Variants in ATF3 observed in about 807,000 individuals in gnomAD.
ATF3 encodes activating transcription factor 3.
In ATF3, 10 loss-of-function variants were observed where a neutral mutation model predicts 18.4. The observed-to-expected ratio is 0.54, with a 90% CI of 0.34 to 0.92. The LOEUF (loss-of-function observed/expected upper bound fraction) is 0.92, where lower values mean the gene tolerates loss of function less well. ATF3 is among the 40% of genes least tolerant of loss of function. The pLI is 0.02. For synonymous variants in ATF3, 78 were observed against 87.9 expected (o/e 0.89, Z 0.63); for missense variants, 183 against 222.3 (o/e 0.82, Z 1.12).
At chr1:212,600,210 C>T (rs961762221) in intron 1 of ATF3, among the ~76,000 whole-genome samples, 13 of 152,198 alleles carry the variant, frequency 8.5e-5, no homozygotes, top group Admixed American at 8.5e-4. Context: ...CCATCCAGCC[C>T]ACCCTCAGCC....
At chr1:212,590,985 C>T (rs1414541989) in intron 1 of ATF3, among the ~76,000 whole-genome samples, 2 of 152,214 alleles carry the variant, frequency 1.3e-5, no homozygotes, top group Non-Finnish European at 1.5e-5. Context: ...TTGGTAGCCT[C>T]TCAGTTTGTT....
At chr1:212,615,759 A>G (rs372572909) in intron 2 of ATF3, among the ~76,000 whole-genome samples, 47 of 148,798 alleles carry the variant, frequency 3.2e-4, no homozygotes, top group African/African-American at 1.1e-3. Flanking sequence ...AGCCGTGATC[A>G]CCTCACTGCA....
upstream of ATF3, among the ~76,000 whole-genome samples, chr1:212,607,394 T>C (rs781589295): frequency 6.6e-6 from 1 of 152,222 alleles, no homozygotes; most frequent in Non-Finnish European, 1.5e-5. Flanking sequence ...TGTCTACAAA[T>C]AGTCATCCAC....
intron 1 of ATF3, among the ~76,000 whole-genome samples, chr1:212,593,742 T>C (rs1219687717): frequency 3.5e-5 from 1 of 28,202 alleles, no homozygotes; most frequent in East Asian, 6.5e-4. Flanking sequence ...CCCTGTCTCT[T>C]TAAAAAAAAA....
rs183560666 is a variant in ATF3 at position 212,619,123 on chromosome 1, T to C, written c.349-235T>C. On this transcript the variant is annotated intron_variant, in intron 3 of 3. Transcript: ENST00000341491. This position sits in a 1 kb window ranked among gnomAD's most constrained non-coding sequence, Gnocchi z 4.4. ...GCAAATGAGGTATCTGAACTGCAGC[T>C]TCAGTATTAGCAGAGCCACAGGCCG... 6 of 1,614,072 alleles carry C rather than the reference T, an allele frequency of 3.7e-6. No individual in the cohort carries two copies. The highest frequency in any genetic ancestry group is 3.4e-6 in the Non-Finnish European group (4 of 1,180,032).
rs535804087 is a variant in ATF3, at chr1:212,601,964, G to A, written c.-4-13054G>A. The stretch of plus-strand genomic sequence containing the variant: ...GTAGGTGTATATATTTATTGGGCAT[G>A]TGAGATATTTTGATACAGGCATACA... On this transcript the variant is annotated intron_variant, in intron 1 of 3. Transcript: ENST00000366981. Among the ~76,000 whole-genome samples the A allele has an allele frequency of 2.4e-4, 36 of 152,256 alleles. 1 individual carries two copies. Among genetic ancestry groups the A allele is most frequent in the South Asian group, 6.2e-4 (3 of 4,816 alleles).
At chr1:212,587,196 G>A (rs1664795033) in intron 1 of ATF3, among the ~76,000 whole-genome samples, 1 of 152,216 alleles carries the variant, frequency 6.6e-6, no homozygotes, top group Non-Finnish European at 1.5e-5. Flanking sequence ...GACCGTGTTT[G>A]ATAGAATCCT....
intron 1 of ATF3, among the ~76,000 whole-genome samples, chr1:212,600,817 G>A (rs1225341408): frequency 6.6e-6 from 1 of 152,182 alleles, no homozygotes; most frequent in Non-Finnish European, 1.5e-5. Context: ...TGCAGCTTCT[G>A]ACACGGTATC....
intron 1 of ATF3, among the ~76,000 whole-genome samples, chr1:212,567,482 A>G (rs1664405838): frequency 6.6e-6 from 1 of 152,192 alleles, no homozygotes; most frequent in Non-Finnish European, 1.5e-5. Context: ...GATGTCATGA[A>G]AGGCAGGTGA....
At chr1:212,570,643 T>C (rs1664463984) in intron 1 of ATF3, among the ~76,000 whole-genome samples, 1 of 152,216 alleles carries the variant, frequency 6.6e-6, no homozygotes, top group African/African-American at 2.4e-5. Context: ...TCTACCCATA[T>C]AGGCAACCAC....
At chr1:212,584,641 G>T (rs770075147) in intron 1 of ATF3, among the ~76,000 whole-genome samples, 8 of 152,116 alleles carry the variant, frequency 5.3e-5, no homozygotes, top group Non-Finnish European at 1.0e-4. Context: ...AAATGCTAAG[G>T]TCACCCAAAA....
chr1:212,585,453 A>G (rs1300397453), intron 1 of ATF3, among the ~76,000 whole-genome samples: 2 of 152,076 alleles, frequency 1.3e-5, no homozygotes, highest in African/African-American at 4.8e-5. Flanking sequence ...CTTCTCCTTC[A>G]GGCTTCACCA....
chr1:212,565,593 C>G (rs551969947), intron 1 of ATF3: 2 of 152,180 alleles, frequency 1.3e-5, no homozygotes, highest in African/African-American at 4.8e-5. Context: ...TGTGGCCCTG[C>G]TGGGTGGGTG....
intron 2 of ATF3, 120 bp downstream of exon 2, chr1:212,615,381 TCAGGGAGCTTA>T: frequency 7.9e-7 from 1 of 1,271,628 alleles, no homozygotes; most frequent in South Asian, 1.4e-5. Flanking sequence ...ACCACTGCCC[TCAGGGAGCTTA>T]CCTTCTCCTG....
At position 212,619,164 on chromosome 1, in the gene ATF3, C is replaced by G; in HGVS notation, c.349-194C>G. 1 of 1,613,620 alleles carries G rather than the reference C, an allele frequency of 6.2e-7. No homozygotes were observed. Among genetic ancestry groups the G allele is most frequent in the Non-Finnish European group, 8.5e-7 (1 of 1,179,998 alleles). ...CCACAGGCCGCCTCTGTGGCATCACCAGGGTTTCTCTGAAGAAGAGGGTCT... is the reference window on the plus strand; with the variant it reads ...CCACAGGCCGCCTCTGTGGCATCACGAGGGTTTCTCTGAAGAAGAGGGTCT... On this transcript the variant is annotated intron_variant, in intron 3 of 3. Coordinates refer to ENST00000341491, the MANE Select transcript of ATF3 (RefSeq NM_001674.4). This position sits in a 1 kb window ranked among gnomAD's most constrained non-coding sequence, Gnocchi z 4.4.
intron 1 of ATF3, among the ~76,000 whole-genome samples, chr1:212,577,438 C>A (rs1263594598): frequency 6.6e-6 from 1 of 152,158 alleles, no homozygotes; most frequent in Non-Finnish European, 1.5e-5. Context: ...CTCTGTTAAG[C>A]ATTTTTCAAG....
intron 1 of ATF3, among the ~76,000 whole-genome samples, chr1:212,586,689 A>G (rs1664785018): frequency 6.6e-6 from 1 of 152,240 alleles, no homozygotes; most frequent in South Asian, 2.1e-4. Flanking sequence ...GAAGCCAGAC[A>G]TGAATTGACG....
At chr1:212,604,854 C>G (rs752318695), upstream of ATF3, among the ~76,000 whole-genome samples, 1 of 152,116 alleles carries the variant, frequency 6.6e-6, no homozygotes, top group South Asian at 2.1e-4. Context: ...TGCTCCTAGC[C>G]CAGGATACTT....
At chr1:212,578,864 G>C (rs1664629122) in intron 1 of ATF3, among the ~76,000 whole-genome samples, 1 of 152,052 alleles carries the variant, frequency 6.6e-6, no homozygotes, top group Admixed American at 6.6e-5. Flanking sequence ...GGGCATTTCA[G>C]GGTTACTGTT....
Sources: allele counts gnomAD v4.1 joint callset (sites outside exome capture counted in the v4.1 genomes callset), GRCh38; gene constraint gnomAD v4.1.1; non-coding constraint Gnocchi (gnomAD v3.1); transcripts MANE v1.5; gene names NCBI Gene and HGNC (gene_info 2026-07-23, HGNC 2026-07-21).